MIDEAS: variants seen among roughly 807,000 people sequenced by gnomAD.
MIDEAS encodes the protein mitotic deacetylase associated SANT domain protein, also known as mitotic deacetylase-associated SANT domain protein.
Under a neutral mutation model 102.7 loss-of-function variants are expected in MIDEAS, and 26 were observed. The observed-to-expected ratio is 0.25, with a 90% CI of 0.19 to 0.35. MIDEAS has a LOEUF of 0.35. MIDEAS is among the 10% of genes least tolerant of loss of function. The pLI is 1.00. For synonymous variants in MIDEAS, 585 were observed against 591.0 expected (o/e 0.99, Z 0.15); for missense variants, 1,231 against 1,435.6 (o/e 0.86, Z 2.30).
At chr14:73,719,237 C>G in intron 12 of MIDEAS, 68 bp downstream of exon 12, 2 of 1,478,676 alleles carry the variant, frequency 1.4e-6, no homozygotes, top group African/African-American at 1.4e-5. Context: ...CTCCCCTCCA[C>G]CCCACCCCCG....
rs72374466 is a variant in MIDEAS, at chr14:73,781,734, C to CAAAAAAAA, written c.-248+5360_-248+5367dup. Among the ~76,000 whole-genome samples the CAAAAAAAA allele has an allele frequency of 8.2e-5, 6 of 73,558 alleles. 1 individual carries two copies. Among genetic ancestry groups the CAAAAAAAA allele is most frequent in the Admixed American group, 1.7e-4 (1 of 5,812 alleles). 48.3% of individuals were successfully genotyped at this position (73,558 alleles called of 152,430 possible). A position where few individuals can be genotyped will look rare whatever the true frequency, so the allele number is the denominator to read the frequency against. On this transcript the variant is annotated intron_variant, in intron 1 of 11. Coordinates refer to the MIDEAS transcript ENST00000394071. ...GGGCAACAAGAGCGAAACTCTGTCT[C>CAAAAAAAA]AAAAAAAAAAAAAAAAAAAAAACTG...
chr14:73,716,413 G>T lies in MIDEAS; in HGVS notation c.*2430C>A, dbSNP rs1024843837. 2 of 152,012 alleles carry T rather than the reference G, an allele frequency of 1.3e-5. No individual in the cohort carries two copies. Among genetic ancestry groups the T allele is most frequent in the African/African-American group, 2.4e-5 (1 of 41,352 alleles). The allele number at this position is 152,012 out of a possible 1,614,324, so 9.4% of individuals were successfully genotyped here. ...CTTCCGGCCAGGCACGGTGGTTCAC[G>T]CCTGTAATGCCAGCACTTTGGGAGG... is the stretch of plus-strand genomic sequence containing the variant. On this transcript the variant is annotated 3_prime_UTR_variant, in exon 13 of 13. Coordinates refer to ENST00000423556, the MANE Select transcript of MIDEAS (RefSeq NM_001367710.1).
chr14:73,779,394 C>CAAA (rs35902307), intron 1 of MIDEAS, among the ~76,000 whole-genome samples: 53 of 104,142 alleles, frequency 5.1e-4, no homozygotes, highest in East Asian at 1.1e-3. Context: ...GATTCCATCT[C>CAAA]AAAAAAAAAA....
intron 1 of MIDEAS, among the ~76,000 whole-genome samples, chr14:73,743,202 G>C (rs2053305050): frequency 6.6e-6 from 1 of 152,058 alleles, no homozygotes; most frequent in African/African-American, 2.4e-5. Flanking sequence ...CCACCTCCAA[G>C]CAAGGATTTT....
At chr14:73,722,079 A>G (rs192007505) in intron 10 of MIDEAS, among the ~76,000 whole-genome samples, 259 of 152,290 alleles carry the variant, frequency 1.7e-3, no homozygotes, top group Non-Finnish European at 3.4e-3. Flanking sequence ...TGTGTCTTTT[A>G]TACTTCTCTA....
At chr14:73,730,221 C>T (rs551254613) in intron 3 of MIDEAS, 1 of 695,466 alleles carries the variant, frequency 1.4e-6, no homozygotes, top group East Asian at 2.8e-5. Context: ...CTTTGTGGGC[C>T]ACATGTGATC....
chr14:73,733,805 T>G (rs948291547), intron 3 of MIDEAS, among the ~76,000 whole-genome samples: 47 of 150,288 alleles, frequency 3.1e-4, no homozygotes, highest in African/African-American at 1.1e-3. Context: ...AGCGATTCTC[T>G]TGCCTCAGCT....
At chr14:73,751,862 T>C (rs571023095) in intron 1 of MIDEAS, among the ~76,000 whole-genome samples, 1 of 152,264 alleles carries the variant, frequency 6.6e-6, no homozygotes, top group Non-Finnish European at 1.5e-5. Flanking sequence ...ATCGTACCAC[T>C]GCACTCCAGC....
Position 73,759,594 on chromosome 14 carries a change from C to G in MIDEAS, c.-248+169G>C, listed in dbSNP as rs1450914034. 6.7e-6 allele frequency among the ~76,000 whole-genome samples: 1 copy of G among 149,110 alleles called. No homozygotes were observed. The highest frequency in any genetic ancestry group is 2.4e-5 in the African/African-American group (1 of 41,102). ...CCACACGCGCCCGCTCCACCGCCGC[C>G]CAGGCCGCAGAAGTTCGAGCGCAGC... On this transcript the variant is annotated intron_variant, in intron 1 of 12. Transcript: ENST00000423556. The surrounding 1 kb of genome is among the most constrained non-coding windows in gnomAD (Gnocchi z 6.7).
intron 1 of MIDEAS, among the ~76,000 whole-genome samples, chr14:73,744,027 C>A (rs2053317236): frequency 6.7e-6 from 1 of 150,096 alleles, no homozygotes; most frequent in Admixed American, 6.6e-5. Flanking sequence ...CACTTACTCT[C>A]TATAGAAGAA....
chr14:73,730,233 C>G, intron 3 of MIDEAS: 1 of 671,704 alleles, frequency 1.5e-6, no homozygotes, highest in Non-Finnish European at 2.7e-6. Context: ...CATGTGATCT[C>G]TGTTACATAT....
chr14:73,775,492 C>T (rs1020262062), intron 1 of MIDEAS, among the ~76,000 whole-genome samples: 5 of 152,004 alleles, frequency 3.3e-5, no homozygotes, highest in Admixed American at 2.6e-4. Flanking sequence ...TAGGAAGGCC[C>T]CTGCTCCCTC....
intron 1 of MIDEAS, among the ~76,000 whole-genome samples, chr14:73,776,223 G>C (rs2053687184): frequency 6.6e-6 from 1 of 152,022 alleles, no homozygotes; most frequent in Non-Finnish European, 1.5e-5. Context: ...AAATGTGCAG[G>C]GAGGATCCAG....
chr14:73,746,924 A>T (rs1264949873), intron 1 of MIDEAS, among the ~76,000 whole-genome samples: 3 of 152,132 alleles, frequency 2.0e-5, no homozygotes, highest in Admixed American at 1.3e-4. Flanking sequence ...GAGACAGAGA[A>T]ACAGAAACAC....
chr14:73,768,822 A>T (rs1293215765), intron 1 of MIDEAS, among the ~76,000 whole-genome samples: 1 of 152,146 alleles, frequency 6.6e-6, no homozygotes, highest in Non-Finnish European at 1.5e-5. Flanking sequence ...AAACAAACTA[A>T]AAATCAGAAC....
At chr14:73,737,840 G>A (rs2053223247) in intron 2 of MIDEAS, among the ~76,000 whole-genome samples, 1 of 148,344 alleles carries the variant, frequency 6.7e-6, no homozygotes, top group African/African-American at 2.5e-5. Flanking sequence ...GTAGTGCAGT[G>A]GCACAATCTT....
At chr14:73,756,234 G>T (rs2053477179) in intron 1 of MIDEAS, among the ~76,000 whole-genome samples, 1 of 151,732 alleles carries the variant, frequency 6.6e-6, no homozygotes. Flanking sequence ...AACTATTATT[G>T]CTCCCAAGTG....
chr14:73,741,987 T>G (rs1296153538), intron 1 of MIDEAS, among the ~76,000 whole-genome samples: 1 of 152,154 alleles, frequency 6.6e-6, no homozygotes, highest in African/African-American at 2.4e-5. Flanking sequence ...AAACAACCTT[T>G]CTCTTGCTTT....
At chr14:73,746,848 G>A (rs2053358797) in intron 1 of MIDEAS, among the ~76,000 whole-genome samples, 1 of 152,218 alleles carries the variant, frequency 6.6e-6, no homozygotes, top group Admixed American at 6.5e-5. Context: ...ACAAGCATTT[G>A]CTGAGCACTT....
Sources: allele counts gnomAD v4.1 joint callset (sites outside exome capture counted in the v4.1 genomes callset), GRCh38; gene constraint gnomAD v4.1.1; non-coding constraint Gnocchi (gnomAD v3.1); transcripts MANE v1.5; gene names NCBI Gene and HGNC (gene_info 2026-07-23, HGNC 2026-07-21).